Variants in PTGER3 observed in about 807,000 individuals in gnomAD.
PTGER3 encodes the protein prostaglandin E receptor 3, also known as prostaglandin E2 receptor EP3 subtype.
Under a neutral mutation model 34.7 loss-of-function variants are expected in PTGER3, and 22 were observed. The ratio of observed to expected loss-of-function variants is 0.63; its 90% CI spans 0.45 to 0.91. The LOEUF is 0.91. Ranked by LOEUF, PTGER3 falls within the 40% of genes least tolerant of loss-of-function variation. PTGER3 has a pLI of 0.00. For missense variants in PTGER3, 468 were observed against 519.4 expected (o/e 0.90, Z 0.96); for synonymous variants, 241 against 230.1 (o/e 1.05, Z -0.43).
chr1:71,008,674 C>T, intron 2 of PTGER3: 1 of 981,926 alleles, frequency 1.0e-6, no homozygotes, highest in Non-Finnish European at 1.2e-6. Context: ...GTCTTATGGA[C>T]TAGGCCACAG....
At chr1:70,972,016 A>C (rs776712549) in intron 3 of PTGER3, among the ~76,000 whole-genome samples, 1 of 152,174 alleles carries the variant, frequency 6.6e-6, no homozygotes, top group Admixed American at 6.5e-5. Flanking sequence ...GCCAGGAAAT[A>C]GAATATTTTC....
At chr1:70,875,461 C>G (rs1646253386) in intron 4 of PTGER3, among the ~76,000 whole-genome samples, 1 of 152,016 alleles carries the variant, frequency 6.6e-6, no homozygotes, top group Admixed American at 6.6e-5. Flanking sequence ...TTTCTTTTTT[C>G]TTCTTTTTAT....
At chr1:70,992,605 G>C (rs1312581364) in intron 2 of PTGER3, among the ~76,000 whole-genome samples, 1 of 152,144 alleles carries the variant, frequency 6.6e-6, no homozygotes, top group African/African-American at 2.4e-5. Context: ...GACACACCTA[G>C]CAGCTTCATG....
chr1:70,916,309 T>C (rs1647174766), intron 4 of PTGER3, among the ~76,000 whole-genome samples: 1 of 152,076 alleles, frequency 6.6e-6, no homozygotes, highest in Non-Finnish European at 1.5e-5. Flanking sequence ...TCAACCACCA[T>C]GGAAATCAGT....
chr1:70,974,143 C>G, intron 3 of PTGER3, 154 bp downstream of exon 3: 1 of 1,149,582 alleles, frequency 8.7e-7, no homozygotes, highest in Middle Eastern at 2.7e-4. Context: ...AAAACAACAA[C>G]TCCTCTAAGG....
chr1:70,862,362 C>A lies in PTGER3; in HGVS notation c.*24-9503G>T, dbSNP rs1247271928. ...TCCCAGGGTTAGGCAGATTTATCTTCAAGTCATCAGCTTAGCTGGACACTG... is the reference window on the plus strand; with the variant it reads ...TCCCAGGGTTAGGCAGATTTATCTTAAAGTCATCAGCTTAGCTGGACACTG... On this transcript the variant is annotated intron_variant, in intron 4 of 4. Transcript: ENST00000370931. The A allele has an allele frequency of 2.2e-6, 3 of 1,366,976 alleles. No individual in the cohort carries two copies. The African/African-American group carries it at 4.4e-5, about 20-fold the overall frequency. The allele number at this position is 1,366,976 out of a possible 1,614,324, so 84.7% of individuals were successfully genotyped here. A position where few individuals can be genotyped will look rare whatever the true frequency, so the allele number is the denominator to read the frequency against.
chr1:70,907,432 A>T (rs1445518726), intron 4 of PTGER3, among the ~76,000 whole-genome samples: 1 of 152,258 alleles, frequency 6.6e-6, no homozygotes, highest in East Asian at 1.9e-4. Context: ...TCAGGACATG[A>T]TGCGAAAGCC....
At chr1:70,981,392 T>TTTCTTTCCTTCC (rs1557709228) in intron 2 of PTGER3, among the ~76,000 whole-genome samples, 1 of 40,422 alleles carries the variant, frequency 2.5e-5, no homozygotes, top group Non-Finnish European at 4.7e-5. Flanking sequence ...TCTTTCTTTC[T>TTTCTTTCCTTCC]TTCCTTCCTT....
chr1:71,017,505 A>G (rs1658012675), intron 1 of PTGER3, among the ~76,000 whole-genome samples: 1 of 152,154 alleles, frequency 6.6e-6, no homozygotes, highest in Non-Finnish European at 1.5e-5. Flanking sequence ...GTCCCCGCCC[A>G]AATCTCATGT....
intron 1 of PTGER3, among the ~76,000 whole-genome samples, chr1:71,020,402 T>C (rs1383662934): frequency 6.6e-6 from 1 of 152,194 alleles, no homozygotes; most frequent in Non-Finnish European, 1.5e-5. Context: ...AGAAAAGTCA[T>C]TTATCTCTGA....
At chr1:70,886,255 C>T (rs1474509422) in intron 4 of PTGER3, 2 of 445,492 alleles carry the variant, frequency 4.5e-6, no homozygotes, top group South Asian at 1.6e-5. Flanking sequence ...CTGACATGTG[C>T]AAACCAAAAA....
chr1:70,945,357 T>C (rs984809696), intron 4 of PTGER3, among the ~76,000 whole-genome samples: 1 of 152,114 alleles, frequency 6.6e-6, no homozygotes, highest in African/African-American at 2.4e-5. Context: ...GAACTGTCAT[T>C]CATGGCTTTT....
exon 5 of PTGER3, chr1:70,852,649 T>G: frequency 1.4e-6 from 1 of 700,796 alleles, no homozygotes; most frequent in Non-Finnish European, 2.5e-6. Context: ...GTAGATATAG[T>G]AAAAGTACAA....
intron 4 of PTGER3, among the ~76,000 whole-genome samples, chr1:70,909,936 A>C (rs923029803): frequency 1.3e-5 from 2 of 152,234 alleles, no homozygotes; most frequent in Non-Finnish European, 2.9e-5. Flanking sequence ...TATGGGTTCA[A>C]TGTATTCATC....
At chr1:70,969,023 A>G (rs140634210), downstream of PTGER3, among the ~76,000 whole-genome samples, 2,728 of 152,154 alleles carry the variant, frequency 0.018, 83 homozygotes, top group African/African-American at 0.062. Flanking sequence ...CCTGGCCAAC[A>G]TGGTGAAACT....
chr1:70,930,888 A>G (rs1648621732), intron 4 of PTGER3, among the ~76,000 whole-genome samples: 1 of 152,118 alleles, frequency 6.6e-6, no homozygotes, highest in South Asian at 2.1e-4. Context: ...CTCACATTTC[A>G]AAACCAATCA....
At chr1:70,972,650 G>A (rs1653210635) in intron 3 of PTGER3, among the ~76,000 whole-genome samples, 1 of 151,914 alleles carries the variant, frequency 6.6e-6, no homozygotes, top group Non-Finnish European at 1.5e-5. Context: ...GGTTAAGTAA[G>A]CTACAGTGTA....
chr1:71,003,755 A>G (rs145274992), intron 2 of PTGER3, among the ~76,000 whole-genome samples: 13 of 152,322 alleles, frequency 8.5e-5, no homozygotes, highest in African/African-American at 3.1e-4. Context: ...CTGGGAAGTA[A>G]TTACATTGAC....
intron 1 of PTGER3, among the ~76,000 whole-genome samples, chr1:71,015,294 C>A (rs577404323): frequency 1.3e-5 from 2 of 152,082 alleles, no homozygotes; most frequent in Non-Finnish European, 2.9e-5. Flanking sequence ...CCCTCAAAAA[C>A]TTGGACGTAT....
Sources: gnomAD v4.1 joint callset for allele counts (sites outside exome capture counted in the v4.1 genomes callset) on GRCh38, gnomAD v4.1.1 for gene constraint, MANE v1.5 for transcripts, NCBI Gene and HGNC (gene_info 2026-07-23, HGNC 2026-07-21) for gene names.